Variants in HAPLN1 observed in about 807,000 individuals in gnomAD.
HAPLN1 encodes the protein Cartilage link protein.
A neutral mutation model predicts 36.5 loss-of-function variants in HAPLN1; 13 were observed. That is an observed-to-expected ratio of 0.36 (90% CI 0.23 to 0.57). The LOEUF (loss-of-function observed/expected upper bound fraction) is 0.57. Among genes scored for constraint, HAPLN1 ranks in the 20% least tolerant of loss-of-function variants. The pLI is 0.83. For synonymous variants in HAPLN1, 202 were observed against 169.8 expected, an observed-to-expected ratio of 1.19 and a Z score of -1.48; for missense variants, 407 against 439.7, an observed-to-expected ratio of 0.93 and a Z score of 0.66.
At chr5:83,660,751 G>A (rs561848204) in intron 2 of HAPLN1, among the ~76,000 whole-genome samples, 1 of 152,164 alleles carries the variant, frequency 6.6e-6, no homozygotes, top group East Asian at 1.9e-4. Flanking sequence ...TAGAGTATTA[G>A]TTAAGCATAT....
chr5:83,677,342 C>T (rs903374163), intron 1 of HAPLN1, among the ~76,000 whole-genome samples: 58 of 152,176 alleles, frequency 3.8e-4, no homozygotes, highest in African/African-American at 1.2e-3. Context: ...TTACCATTGT[C>T]GTGGGTCCCC....
At chr5:83,647,006 G>T (rs1389440980) in intron 3 of HAPLN1, among the ~76,000 whole-genome samples, 1 of 152,298 alleles carries the variant, frequency 6.6e-6, no homozygotes, top group East Asian at 1.9e-4. Context: ...TAACATTGGA[G>T]AATGCAGAAT....
intron 1 of HAPLN1, among the ~76,000 whole-genome samples, chr5:83,702,374 T>C (rs1010764175): frequency 2.6e-5 from 4 of 152,210 alleles, no homozygotes; most frequent in African/African-American, 9.6e-5. Context: ...TAGATAGTGA[T>C]AAAGATGGAT....
chr5:83,644,342 G>A, intron 4 of HAPLN1, 21 bp downstream of exon 4: 1 of 1,481,340 alleles, frequency 6.8e-7, no homozygotes, highest in Non-Finnish European at 9.0e-7. Context: ...AGGAAAGAAG[G>A]CAGTACAGTT....
intron 1 of HAPLN1, among the ~76,000 whole-genome samples, chr5:83,707,685 A>G (rs1199349836): frequency 1.3e-5 from 2 of 152,254 alleles, no homozygotes; most frequent in Non-Finnish European, 2.9e-5. Context: ...CAAAGATATC[A>G]TGACAAAGAC....
At chr5:83,657,009 T>G (rs372996007) in intron 2 of HAPLN1, among the ~76,000 whole-genome samples, 1 of 152,182 alleles carries the variant, frequency 6.6e-6, no homozygotes, top group Non-Finnish European at 1.5e-5. Flanking sequence ...CATAAAAATT[T>G]ATTTGGCGGT....
At chr5:83,695,886 C>T (rs1751381051) in intron 1 of HAPLN1, among the ~76,000 whole-genome samples, 1 of 151,694 alleles carries the variant, frequency 6.6e-6, no homozygotes, top group South Asian at 2.1e-4. Context: ...ACGTTTTTAC[C>T]ATTTACTTTA....
chr5:83,672,929 A>G (rs1180913338), intron 2 of HAPLN1, among the ~76,000 whole-genome samples: 1 of 152,198 alleles, frequency 6.6e-6, no homozygotes, highest in Non-Finnish European at 1.5e-5. Context: ...GTGCAGGGGC[A>G]ATGTATTGGT....
In HAPLN1 at chr5:83,641,794, A is replaced by G. The variant is rs773711675; in HGVS notation, c.776-9T>C. 9 of 1,610,702 alleles carry G rather than the reference A, an allele frequency of 5.6e-6. No individual in the cohort carries two copies. The East Asian group carries it at 2.0e-4, about 36-fold the overall frequency. On this transcript the variant is annotated splice_polypyrimidine_tract_variant and intron_variant, in intron 4 of 4. Coordinates refer to ENST00000274341, the MANE Select transcript of HAPLN1 (RefSeq NM_001884.4). ...CAGATAGTAAAAACGGCCTGTAGAG[A>G]AAAGGAGACAGAGTCAATGGGCTGG...
chr5:83,686,947 C>T (rs10068874), intron 1 of HAPLN1, among the ~76,000 whole-genome samples: 42,896 of 151,972 alleles, frequency 0.28, 6,613 homozygotes, highest in East Asian at 0.41. Context: ...TGTAAAAATG[C>T]CATTGCTAAA....
chr5:83,702,773 T>G (rs1751541266), intron 1 of HAPLN1, among the ~76,000 whole-genome samples: 1 of 151,814 alleles, frequency 6.6e-6, no homozygotes, highest in Admixed American at 6.6e-5. Flanking sequence ...AGTCTCGCCC[T>G]GTTGCCCAGG....
chr5:83,666,003 T>A (rs1192671540), intron 2 of HAPLN1, among the ~76,000 whole-genome samples: 8 of 152,238 alleles, frequency 5.3e-5, no homozygotes, highest in African/African-American at 1.9e-4. Flanking sequence ...ATTTTTGAAG[T>A]AATTTTATTT....
intron 1 of HAPLN1, among the ~76,000 whole-genome samples, chr5:83,718,566 A>G (rs1474688620): frequency 6.6e-6 from 1 of 152,192 alleles, no homozygotes; most frequent in Admixed American, 6.5e-5. Flanking sequence ...TAAAATCCTA[A>G]GTATATTCAG....
Position 83,640,073 on chromosome 5 carries a change from C to T in HAPLN1, c.*1423G>A, listed in dbSNP as rs562737561. The T allele has an allele frequency of 1.3e-5, 2 of 152,084 alleles. No homozygotes were observed. The highest frequency in any genetic ancestry group is 2.9e-5 in the Non-Finnish European group (2 of 67,972). 9.4% of individuals were successfully genotyped at this position (152,084 alleles called of 1,614,324 possible). A position where few individuals can be genotyped will look rare whatever the true frequency, so the allele number is the denominator to read the frequency against. ...ATGAAAGCATACCGGCTATGTCATA[C>T]TTGGATTATTATAGTAAATCCCATT... On this transcript the variant is annotated 3_prime_UTR_variant, in exon 5 of 5. Transcript: ENST00000274341.
At chr5:83,696,683 C>T (rs961336344) in intron 1 of HAPLN1, among the ~76,000 whole-genome samples, 2 of 152,066 alleles carry the variant, frequency 1.3e-5, no homozygotes, top group Admixed American at 1.3e-4. Context: ...AAAGAAAATA[C>T]TCTTGCCTGT....
intron 2 of HAPLN1, among the ~76,000 whole-genome samples, chr5:83,658,090 A>T (rs1021074816): frequency 6.6e-6 from 1 of 152,116 alleles, no homozygotes. Context: ...CATAGACTCA[A>T]TTGTCAGCTC....
At chr5:83,677,838 A>C (rs1179071635) in intron 1 of HAPLN1, among the ~76,000 whole-genome samples, 1 of 152,198 alleles carries the variant, frequency 6.6e-6, no homozygotes, top group East Asian at 1.9e-4. Context: ...AAAAATAGTG[A>C]ATCAAGGACA....
At chr5:83,663,594 G>C (rs946137618) in intron 2 of HAPLN1, among the ~76,000 whole-genome samples, 4 of 152,112 alleles carry the variant, frequency 2.6e-5, no homozygotes, top group Non-Finnish European at 4.4e-5. Context: ...CCATCTTCCT[G>C]TTGGTCCTAT....
Position 83,644,622 on chromosome 5 carries a change from G to A in HAPLN1, c.516C>T (p.Leu172=). ...ACGCCTGCTGCGCCTCGTGAAAATT[G>A]AGATTGTAGCGCCCCAGTCGTGGAA... is the stretch of plus-strand genomic sequence containing the variant. The part of the protein sequence containing the change: ...PYFPRLGRYN[L]NFHEAQQACL... Residue 172 remains leucine (L), a synonymous_variant, in exon 4 of 5, where the codon CTC becomes CTT. Coordinates refer to ENST00000274341, the MANE Select transcript of HAPLN1 (RefSeq NM_001884.4). The A allele has an allele frequency of 6.6e-7, 1 of 1,506,562 alleles. No individual in the cohort carries two copies. The highest frequency in any genetic ancestry group is 8.9e-7 in the Non-Finnish European group (1 of 1,124,842). The allele number at this position is 1,506,562 out of a possible 1,614,324, so 93.3% of individuals were successfully genotyped here.
Sources: allele counts gnomAD v4.1 joint callset (sites outside exome capture counted in the v4.1 genomes callset), GRCh38; gene constraint gnomAD v4.1.1; transcripts MANE v1.5; gene names NCBI Gene and HGNC (gene_info 2026-07-23, HGNC 2026-07-21).